SLC39A12: variants seen among roughly 807,000 people sequenced by gnomAD.
SLC39A12 encodes zinc transporter ZIP12.
SLC39A12 carries 63 observed loss-of-function variants against 71.1 expected under a neutral mutation model. That is an observed-to-expected ratio of 0.89 (90% CI 0.72 to 1.09). The LOEUF (loss-of-function observed/expected upper bound fraction) is 1.09. Among genes scored for constraint, SLC39A12 ranks in the 50% least tolerant of loss-of-function variants. The probability of loss-of-function intolerance (pLI) is 0.00; values close to 1 mark genes in which losing one functional copy is unlikely to be tolerated. For missense variants in SLC39A12, 892 were observed against 812.6 expected (o/e 1.10, Z -1.19); for synonymous variants, 351 against 301.3 (o/e 1.16, Z -1.71).
At chr10:17,959,331 T>A (rs186071614) in intron 2 of SLC39A12, among the ~76,000 whole-genome samples, 15 of 152,268 alleles carry the variant, frequency 9.9e-5, no homozygotes, top group African/African-American at 3.6e-4. Context: ...GGGTCTCCTC[T>A]GTTTGAGTAC....
intron 12 of SLC39A12, among the ~76,000 whole-genome samples, chr10:18,008,882 C>T (rs867047979): frequency 5.9e-5 from 9 of 151,928 alleles, no homozygotes; most frequent in Non-Finnish European, 1.0e-4. Context: ...CTGAATGTTC[C>T]GCCTAAGAAA....
At chr10:18,013,886 G>C (rs2130865220) in intron 12 of SLC39A12, among the ~76,000 whole-genome samples, 1 of 152,190 alleles carries the variant, frequency 6.6e-6, no homozygotes, top group South Asian at 2.1e-4. Flanking sequence ...AGTAAGTTTT[G>C]AAATCAGGAA....
intron 12 of SLC39A12, among the ~76,000 whole-genome samples, chr10:18,003,757 GC>G (rs1375218563): frequency 7.2e-5 from 11 of 152,326 alleles, no homozygotes; most frequent in Admixed American, 7.2e-4. Context: ...CAATCAGCCA[GC>G]TATTTTATTT....
intron 2 of SLC39A12, 37 bp downstream of exon 2, chr10:17,953,574 G>A (rs782621298): frequency 1.9e-6 from 3 of 1,600,978 alleles, no homozygotes; most frequent in Middle Eastern, 1.8e-4. Context: ...ATCAGGGCAT[G>A]TCCAAAAGAA....
At chr10:17,952,357 T>A (rs1226543668) in intron 1 of SLC39A12, among the ~76,000 whole-genome samples, 1 of 152,224 alleles carries the variant, frequency 6.6e-6, no homozygotes, top group Non-Finnish European at 1.5e-5. Flanking sequence ...AAATTCTGTT[T>A]TTCTAAGATG....
intron 12 of SLC39A12, 146 bp from the exon 13 acceptor site, chr10:18,042,559 G>T: frequency 1.6e-6 from 1 of 621,462 alleles, no homozygotes; most frequent in East Asian, 3.6e-5. Flanking sequence ...AGACATGGTA[G>T]AGTAGGTATT....
intron 12 of SLC39A12, among the ~76,000 whole-genome samples, chr10:18,025,951 T>C (rs1421781743): frequency 6.6e-6 from 1 of 152,212 alleles, no homozygotes; most frequent in South Asian, 2.1e-4. Context: ...ACTTCACAAG[T>C]AGTGCCAATA....
intron 12 of SLC39A12, among the ~76,000 whole-genome samples, chr10:18,025,389 C>A (rs1358733157): frequency 6.6e-6 from 1 of 152,128 alleles, no homozygotes; most frequent in African/African-American, 2.4e-5. Flanking sequence ...CTCCCTCCCC[C>A]CACCTCACAA....
chr10:18,022,599 G>T (rs11498358), intron 12 of SLC39A12, among the ~76,000 whole-genome samples: 7,079 of 152,058 alleles, frequency 0.047, 581 homozygotes, highest in African/African-American at 0.16. Context: ...GATGATCTTT[G>T]TTGCTATCCA....
chr10:17,965,621 C>T lies in SLC39A12; in HGVS notation c.682C>T (p.Pro228Ser). 1.2e-6 allele frequency: 2 copies of T among 1,614,120 alleles called. No individual in the cohort carries two copies. Among genetic ancestry groups the T allele is most frequent in the South Asian group, 1.1e-5 (1 of 91,082 alleles). Residue 228 changes from proline to serine, a missense_variant, in exon 4 of 13, where the codon CCT becomes TCT. By Grantham distance (74) the Pro-to-Ser change is moderately conservative (BLOSUM62 -1). Transcript: ENST00000377369. ...QGVCLGQGNL[P>S]SPDYFTEYIF... ...TGTTTGTCTGGGACAAGGAAACTTGCCTTCCCCAGACTACTTTACAGAATA... is the reference window on the plus strand; with the variant it reads ...TGTTTGTCTGGGACAAGGAAACTTGTCTTCCCCAGACTACTTTACAGAATA...
At chr10:18,028,469 C>T (rs543819541) in intron 12 of SLC39A12, among the ~76,000 whole-genome samples, 1 of 152,226 alleles carries the variant, frequency 6.6e-6, no homozygotes, top group East Asian at 1.9e-4. Flanking sequence ...CTTTGCTTGT[C>T]ATGAGAGTCT....
At chr10:17,991,066 C>T (rs1333292593) in intron 7 of SLC39A12, 85 bp from the exon 8 acceptor site, 4 of 1,273,082 alleles carry the variant, frequency 3.1e-6, no homozygotes, top group Non-Finnish European at 4.2e-6. Context: ...ATATATTCAA[C>T]ACTGGGCCTA....
At chr10:17,996,929 C>T (rs917882218) in intron 10 of SLC39A12, among the ~76,000 whole-genome samples, 8 of 147,390 alleles carry the variant, frequency 5.4e-5, no homozygotes, top group African/African-American at 1.7e-4. Context: ...ACCCGGGAGG[C>T]GGAGCTTGCA....
intron 6 of SLC39A12, among the ~76,000 whole-genome samples, chr10:17,985,225 C>G (rs1835370061): frequency 6.6e-6 from 1 of 152,120 alleles, no homozygotes; most frequent in African/African-American, 2.4e-5. Context: ...CACCTGTAGT[C>G]CCAGCTACGC....
At chr10:17,957,450 G>A (rs545389709) in intron 2 of SLC39A12, among the ~76,000 whole-genome samples, 11 of 149,346 alleles carry the variant, frequency 7.4e-5, no homozygotes, top group African/African-American at 1.2e-4. Flanking sequence ...GATTCCCCCC[G>A]CCCCAAACCT....
At chr10:18,018,833 G>C (rs1432786966) in intron 12 of SLC39A12, among the ~76,000 whole-genome samples, 1 of 152,102 alleles carries the variant, frequency 6.6e-6, no homozygotes, top group Non-Finnish European at 1.5e-5. Flanking sequence ...TTGGTCTGTA[G>C]TTGATTCATT....
chr10:18,016,424 A>G (rs961728829), intron 12 of SLC39A12, among the ~76,000 whole-genome samples: 2 of 152,152 alleles, frequency 1.3e-5, no homozygotes, highest in Admixed American at 1.3e-4. Flanking sequence ...ATGCATCACC[A>G]TTTATCCATT....
intron 12 of SLC39A12, among the ~76,000 whole-genome samples, chr10:18,036,752 A>ATG (rs1403656078): frequency 0.026 from 150 of 5,666 alleles, 3 homozygotes; most frequent in South Asian, 0.061. Context: ...AAAATTATAT[A>ATG]TATATATATA....
At chr10:17,987,711 C>G in intron 7 of SLC39A12, 60 bp downstream of exon 7, 1 of 1,570,114 alleles carries the variant, frequency 6.4e-7, no homozygotes, top group Non-Finnish European at 8.7e-7. Flanking sequence ...CTTTTAACCA[C>G]TGGAGGTATT....
Sources: gnomAD v4.1 joint callset for allele counts (sites outside exome capture counted in the v4.1 genomes callset) on GRCh38, gnomAD v4.1.1 for gene constraint, MANE v1.5 for transcripts, NCBI Gene and HGNC (gene_info 2026-07-23, HGNC 2026-07-21) for gene names.